The following SMYD3 variants were observed in gnomAD, a reference collection of about 807,000 sequenced individuals.
SMYD3 encodes histone-lysine N-methyltransferase SMYD3.
A neutral mutation model predicts 57.7 loss-of-function variants in SMYD3; 36 were observed. That is an observed-to-expected ratio of 0.62 (90% CI 0.48 to 0.82). The LOEUF (loss-of-function observed/expected upper bound fraction) is 0.82. SMYD3 is among the 40% of genes least tolerant of loss of function. The pLI, the probability that SMYD3 is intolerant of heterozygous loss-of-function variation, is 0.00. For missense variants in SMYD3, 515 were observed against 538.8 expected (o/e 0.96, Z 0.44); for synonymous variants, 211 against 195.0 (o/e 1.08, Z -0.68).
intron 1 of SMYD3, among the ~76,000 whole-genome samples, chr1:246,423,867 C>T (rs760877157): frequency 2.7e-4 from 41 of 151,944 alleles, no homozygotes; most frequent in Admixed American, 3.3e-4. Context: ...ACAGAAGTTT[C>T]CCCCAGAAAC....
intron 1 of SMYD3, among the ~76,000 whole-genome samples, chr1:246,442,972 A>G (rs1339168347): frequency 6.6e-6 from 1 of 152,224 alleles, no homozygotes; most frequent in Non-Finnish European, 1.5e-5. Flanking sequence ...ACAGTGCACC[A>G]GGCTCCCAAC....
intron 5 of SMYD3, among the ~76,000 whole-genome samples, chr1:246,303,497 CTAATA>C (rs2064929931): frequency 6.6e-6 from 1 of 152,004 alleles, no homozygotes; most frequent in African/African-American, 2.4e-5. Context: ...CTTATAATAC[CTAATA>C]TAATGTAAAC....
chr1:246,034,138 C>T (rs1375591453), intron 5 of SMYD3, among the ~76,000 whole-genome samples: 3 of 152,158 alleles, frequency 2.0e-5, no homozygotes, highest in African/African-American at 7.2e-5. Flanking sequence ...TTTCTTTCCT[C>T]TAAGAAGTTG....
chr1:246,351,552 T>C (rs2065824256), intron 2 of SMYD3, among the ~76,000 whole-genome samples: 1 of 152,160 alleles, frequency 6.6e-6, no homozygotes, highest in Non-Finnish European at 1.5e-5. Context: ...GATAATAAGG[T>C]ATAGACCAGA....
chr1:246,319,975 C>T (rs758734391), intron 5 of SMYD3, among the ~76,000 whole-genome samples: 8 of 152,164 alleles, frequency 5.3e-5, no homozygotes, highest in Non-Finnish European at 8.8e-5. Context: ...TTTATGATCA[C>T]TCTAAATGTA....
chr1:245,926,780 G>A (rs1327186918), intron 7 of SMYD3, among the ~76,000 whole-genome samples: 6 of 152,226 alleles, frequency 3.9e-5, no homozygotes, highest in East Asian at 3.9e-4. Context: ...AGCAGCAGCC[G>A]CTCTTCAGCC....
intron 5 of SMYD3, among the ~76,000 whole-genome samples, chr1:246,307,175 G>A (rs1025100585): frequency 2.0e-5 from 3 of 152,088 alleles, no homozygotes; most frequent in Non-Finnish European, 4.4e-5. Context: ...ATTTAGTGCT[G>A]AATTTGTCCT....
At position 245,921,570 on chromosome 1, in the gene SMYD3, T is replaced by TATATATATATAC. The variant is rs1231534223; in HGVS notation, c.703-5931_703-5930insGTATATATATAT. Among the ~76,000 whole-genome samples the TATATATATATAC allele has an allele frequency of 3.1e-4, 46 of 147,978 alleles. 1 individual carries two copies. Among genetic ancestry groups the TATATATATATAC allele is most frequent in the African/African-American group, 1.1e-3 (45 of 39,626 alleles). On this transcript the variant is annotated intron_variant, in intron 7 of 11. Transcript: ENST00000490107. The stretch of plus-strand genomic sequence containing the variant: ...TGGTGTATATATATATATATATATA[T>TATATATATATAC]ACACATACCATGGAATAGTATGCAG...
chr1:246,160,657 G>A (rs2062101981), intron 5 of SMYD3, among the ~76,000 whole-genome samples: 1 of 152,272 alleles, frequency 6.6e-6, no homozygotes, highest in African/African-American at 2.4e-5. Flanking sequence ...AGCTATGAAG[G>A]TGGCTGCTGT....
intron 5 of SMYD3, among the ~76,000 whole-genome samples, chr1:245,962,986 C>T (rs560192399): frequency 2.6e-5 from 4 of 152,096 alleles, no homozygotes; most frequent in African/African-American, 7.2e-5. Flanking sequence ...CAGTTACTGC[C>T]GCTGGCATTA....
At chr1:246,307,477 T>C (rs949447747) in intron 5 of SMYD3, among the ~76,000 whole-genome samples, 1 of 141,778 alleles carries the variant, frequency 7.1e-6, no homozygotes, top group East Asian at 2.2e-4. Context: ...TGGAGTGCAG[T>C]GGCGTGATCT....
At chr1:245,804,588 T>C (rs934873704) in intron 10 of SMYD3, among the ~76,000 whole-genome samples, 2 of 152,126 alleles carry the variant, frequency 1.3e-5, no homozygotes, top group African/African-American at 2.4e-5. Flanking sequence ...AAAACTTAAT[T>C]CCCACTGTAG....
intron 10 of SMYD3, among the ~76,000 whole-genome samples, chr1:245,801,581 C>G (rs970903109): frequency 6.6e-5 from 10 of 152,182 alleles, no homozygotes; most frequent in Non-Finnish European, 1.2e-4. Context: ...CCAGCAGACT[C>G]TCCATTTCTT....
rs186619997 is a variant in SMYD3, at chr1:246,257,477, T to C, written c.531+69724A>G. On this transcript the variant is annotated intron_variant, in intron 5 of 11. Transcript: ENST00000490107. ...GATGTAAGAATAGCAAGCCCTGCTC[T>C]TTTTTGTTATTCATTACTTTGAGCC... Among the ~76,000 whole-genome samples the C allele has an allele frequency of 2.6e-5, 4 of 152,334 alleles. No homozygotes were observed. The East Asian group carries it at 7.7e-4, about 29-fold the overall frequency.
At chr1:246,448,447 C>G (rs1159453713) in intron 1 of SMYD3, among the ~76,000 whole-genome samples, 1 of 151,984 alleles carries the variant, frequency 6.6e-6, no homozygotes, top group East Asian at 1.9e-4. Context: ...GCAGGGAATA[C>G]CCATCCCCAA....
intron 5 of SMYD3, among the ~76,000 whole-genome samples, chr1:246,009,316 T>A (rs12029200): frequency 0.18 from 27,761 of 152,134 alleles, 2,759 homozygotes; most frequent in East Asian, 0.43. Context: ...TTGTTTTTGA[T>A]GCAAAATAGC....
intron 1 of SMYD3, among the ~76,000 whole-genome samples, chr1:246,375,814 C>A (rs931805258): frequency 6.6e-6 from 1 of 152,148 alleles, no homozygotes; most frequent in African/African-American, 2.4e-5. Context: ...ACTGCAACCT[C>A]CGCCCCCTGG....
In SMYD3 at chr1:246,492,502, C is replaced by A. The variant is rs149480297; in HGVS notation, c.164+14552G>T. Reference sequence around the variant, plus strand: ...AAGGTAAGCGAGAAACAAAAAATGGCTGAAAGACTAGACAGACGATTCCCA... The same window carrying A: ...AAGGTAAGCGAGAAACAAAAAATGGATGAAAGACTAGACAGACGATTCCCA... On this transcript the variant is annotated intron_variant, in intron 1 of 11. Transcript: ENST00000490107. 3.6e-4 allele frequency among the ~76,000 whole-genome samples: 55 copies of A among 152,288 alleles called. No homozygotes were observed. In the East Asian group the frequency reaches 9.6e-3, roughly 27 times the overall value.
intron 8 of SMYD3, among the ~76,000 whole-genome samples, chr1:245,899,648 C>T (rs1429712158): frequency 6.6e-6 from 1 of 152,188 alleles, no homozygotes; most frequent in African/African-American, 2.4e-5. Flanking sequence ...TATATGTTAA[C>T]TTGAGTGGGC....
Sources: allele counts gnomAD v4.1 joint callset (sites outside exome capture counted in the v4.1 genomes callset), GRCh38; gene constraint gnomAD v4.1.1; transcripts MANE v1.5; gene names NCBI Gene and HGNC (gene_info 2026-07-23, HGNC 2026-07-21).